The following PALM2AKAP2 variants were observed in gnomAD, a reference collection of about 807,000 sequenced individuals.
PALM2AKAP2 encodes the protein PALM2-AKAP2 fusion protein.
PALM2AKAP2 carries 37 observed loss-of-function variants against 71.5 expected under a neutral mutation model. The ratio of observed to expected loss-of-function variants is 0.52; its 90% CI spans 0.40 to 0.68. The LOEUF is 0.68. Among genes scored for constraint, PALM2AKAP2 ranks in the 30% least tolerant of loss-of-function variants. PALM2AKAP2 has a pLI of 0.00. For synonymous variants in PALM2AKAP2, 468 were observed against 478.8 expected (o/e 0.98, Z 0.29); for missense variants, 1,224 against 1,191.8 (o/e 1.03, Z -0.40).
In PALM2AKAP2 at chr9:109,943,634, G is replaced by A. The variant is rs1056448822; in HGVS notation, c.496+11606G>A. ...TGTGCTTCATTCTCTCCAAGAACTT[G>A]CTTTTCCTCTAAACCTTTCCTTGTG... On this transcript the variant is annotated intron_variant, in intron 6 of 9. Transcript: ENST00000302798. The A allele has an allele frequency of 8.0e-6, 5 of 627,428 alleles. No homozygotes were observed. In the African/African-American group the frequency reaches 9.2e-5, roughly 11 times the overall value. 38.9% of individuals were successfully genotyped at this position (627,428 alleles called of 1,614,324 possible).
intron 1 of PALM2AKAP2, among the ~76,000 whole-genome samples, chr9:110,072,363 C>T (rs895729324): frequency 2.3e-4 from 35 of 152,180 alleles, no homozygotes; most frequent in African/African-American, 8.4e-4. Context: ...CAGAATGGAG[C>T]AGTCCCTGAT....
At chr9:109,749,843 A>T (rs1828858998) in intron 1 of PALM2AKAP2, among the ~76,000 whole-genome samples, 1 of 152,192 alleles carries the variant, frequency 6.6e-6, no homozygotes, top group Non-Finnish European at 1.5e-5. Flanking sequence ...GTTCGTTGTC[A>T]ACCTGTTTTC....
chr9:109,648,585 T>C, intron 1 of PALM2AKAP2, among the ~76,000 whole-genome samples: 1 of 152,180 alleles, frequency 6.6e-6, no homozygotes, highest in Admixed American at 6.5e-5. Context: ...TTTTTGATAG[T>C]GTCATCAGGG....
At chr9:110,132,046 T>C (rs928080561) in intron 1 of PALM2AKAP2, among the ~76,000 whole-genome samples, 4 of 151,176 alleles carry the variant, frequency 2.6e-5, no homozygotes, top group African/African-American at 9.8e-5. Context: ...TGTGTGTGTG[T>C]GTGTGTGTGT....
chr9:109,875,320 T>C (rs1217757829), intron 2 of PALM2AKAP2, among the ~76,000 whole-genome samples: 1 of 152,244 alleles, frequency 6.6e-6, no homozygotes, highest in East Asian at 1.9e-4. Context: ...CTTTGTCACA[T>C]TGTCCTGTCT....
At chr9:110,034,209 G>A (rs907604224) in intron 7 of PALM2AKAP2, among the ~76,000 whole-genome samples, 1 of 152,192 alleles carries the variant, frequency 6.6e-6, no homozygotes, top group Admixed American at 6.5e-5. Flanking sequence ...CCAGGCTGGA[G>A]TGCAACGGCG....
At chr9:109,693,291 T>G (rs1286807120) in intron 1 of PALM2AKAP2, among the ~76,000 whole-genome samples, 1 of 151,970 alleles carries the variant, frequency 6.6e-6, no homozygotes, top group African/African-American at 2.4e-5. Flanking sequence ...CATTATTCTG[T>G]CTGTAGGATC....
chr9:110,080,069 CAAAAAAAAA>C (rs147710381), intron 1 of PALM2AKAP2, among the ~76,000 whole-genome samples: 13 of 75,550 alleles, frequency 1.7e-4, no homozygotes, highest in African/African-American at 4.9e-4. Flanking sequence ...GACTCTGTCT[CAAAAAAAAA>C]AAAAAAAAAA....
chr9:110,170,208 AAG>A (rs1836825761), exon 4 of PALM2AKAP2: 1 of 152,568 alleles, frequency 6.6e-6, no homozygotes, highest in South Asian at 2.1e-4. Flanking sequence ...GGCCATGAGA[AAG>A]AAAAAAAAAT....
chr9:109,765,981 G>T (rs1183802683), intron 1 of PALM2AKAP2, among the ~76,000 whole-genome samples: 1 of 152,212 alleles, frequency 6.6e-6, no homozygotes, highest in African/African-American at 2.4e-5. Flanking sequence ...CATATGCAGA[G>T]TGTCACATGC....
intron 1 of PALM2AKAP2, among the ~76,000 whole-genome samples, chr9:109,665,672 G>C (rs998971449): frequency 3.9e-5 from 6 of 152,238 alleles, no homozygotes; most frequent in African/African-American, 1.4e-4. Context: ...GAGGCAGTCT[G>C]TCCGTTGTTG....
chr9:109,699,331 A>G (rs1828019104), intron 1 of PALM2AKAP2, among the ~76,000 whole-genome samples: 3 of 152,372 alleles, frequency 2.0e-5, no homozygotes, highest in African/African-American at 7.2e-5. Flanking sequence ...ATCAGGCAGT[A>G]TAAATCAAAA....
intron 2 of PALM2AKAP2, among the ~76,000 whole-genome samples, chr9:109,877,471 A>G (rs1439084590): frequency 6.6e-6 from 1 of 152,110 alleles, no homozygotes; most frequent in Non-Finnish European, 1.5e-5. Flanking sequence ...GAATTTGAGG[A>G]TAGTATGAAA....
chr9:110,121,967 A>G (rs2119010064), intron 1 of PALM2AKAP2, among the ~76,000 whole-genome samples: 1 of 152,372 alleles, frequency 6.6e-6, no homozygotes, highest in East Asian at 1.9e-4. Context: ...ATCTCATTTT[A>G]CCGACCAGAA....
chr9:110,067,540 A>AT (rs993209056), intron 1 of PALM2AKAP2, among the ~76,000 whole-genome samples: 17 of 152,304 alleles, frequency 1.1e-4, no homozygotes, highest in South Asian at 2.1e-4. Flanking sequence ...CCAACAATAG[A>AT]TTTTTTAAAA....
rs1252680623 is a variant in PALM2AKAP2, at chr9:109,937,410, C to T, written c.496+5382C>T. Among the ~76,000 whole-genome samples the T allele has an allele frequency of 3.3e-5, 5 of 152,110 alleles. No homozygotes were observed. In the South Asian group the frequency reaches 1.0e-3, roughly 32 times the overall value. On this transcript the variant is annotated intron_variant, in intron 6 of 9. Coordinates refer to the PALM2AKAP2 transcript ENST00000302798. ...ATTAGGGAGCAAGAACCAAGAAAACCAAATGCGGAGGCCCAAAATCAAAGT... is the reference window on the plus strand; with the variant it reads ...ATTAGGGAGCAAGAACCAAGAAAACTAAATGCGGAGGCCCAAAATCAAAGT...
At chr9:110,138,426 A>G in exon 2 of PALM2AKAP2, 1 of 1,614,160 alleles carries the variant, frequency 6.2e-7, no homozygotes, top group Non-Finnish European at 8.5e-7. Context: ...CGAGCAGCTC[A>G]GGAAAGGGAA....
At chr9:110,115,608 G>A (rs917961594) in intron 1 of PALM2AKAP2, among the ~76,000 whole-genome samples, 5 of 152,230 alleles carry the variant, frequency 3.3e-5, no homozygotes, top group Non-Finnish European at 7.3e-5. Context: ...GCCAGAGTGT[G>A]TCAGAGTGAA....
intron 1 of PALM2AKAP2, among the ~76,000 whole-genome samples, chr9:109,684,487 G>T (rs1003084486): frequency 6.6e-6 from 1 of 152,104 alleles, no homozygotes; most frequent in African/African-American, 2.4e-5. Flanking sequence ...CAGGGGGCAG[G>T]CAAGGAAATA....
Sources: allele counts gnomAD v4.1 joint callset (sites outside exome capture counted in the v4.1 genomes callset), GRCh38; gene constraint gnomAD v4.1.1; transcripts MANE v1.5; gene names NCBI Gene and HGNC (gene_info 2026-07-23, HGNC 2026-07-21).